The following C12orf42 variants were observed in gnomAD, a reference collection of about 807,000 sequenced individuals.
C12orf42 encodes the protein uncharacterized protein C12orf42.
In C12orf42, 25 loss-of-function variants were observed where a neutral mutation model predicts 21.6. That is an observed-to-expected ratio of 1.16 (90% CI 0.84 to 1.62). The LOEUF is 1.62. C12orf42 is among the 40% of genes most tolerant of loss of function. C12orf42 has a pLI of 0.00. For synonymous variants in C12orf42, 174 were observed against 175.0 expected, an observed-to-expected ratio of 0.99 and a Z score of 0.05; for missense variants, 483 against 459.3, an observed-to-expected ratio of 1.05 and a Z score of -0.47.
chr12:103,446,894 A>G (rs1322236433), intron 2 of C12orf42, among the ~76,000 whole-genome samples: 3 of 152,106 alleles, frequency 2.0e-5, no homozygotes, highest in East Asian at 3.9e-4. Context: ...AATGAGATAG[A>G]TGGCAACACA....
At chr12:103,405,765 A>G (rs562913810) in intron 2 of C12orf42, among the ~76,000 whole-genome samples, 173 of 152,304 alleles carry the variant, frequency 1.1e-3, no homozygotes, top group Admixed American at 3.0e-3. Context: ...TGCTTCGGTC[A>G]TTAAACTACT....
At chr12:103,311,871 T>A (rs958278362) in intron 4 of C12orf42, among the ~76,000 whole-genome samples, 1 of 152,200 alleles carries the variant, frequency 6.6e-6, no homozygotes, top group African/African-American at 2.4e-5. Context: ...GATGAAAATG[T>A]ATAATCAGGG....
intron 4 of C12orf42, among the ~76,000 whole-genome samples, chr12:103,359,723 T>C (rs2043914863): frequency 6.6e-6 from 1 of 151,924 alleles, no homozygotes; most frequent in African/African-American, 2.4e-5. Context: ...TGTAATAATC[T>C]TGCTTATTTA....
chr12:103,195,227 G>T, the C12orf42 span, among the ~76,000 whole-genome samples: 1 of 152,140 alleles, frequency 6.6e-6, no homozygotes, highest in Admixed American at 6.5e-5. Flanking sequence ...TTCATGTCTT[G>T]CTTTGTGAAT....
the C12orf42 span, among the ~76,000 whole-genome samples, chr12:103,198,359 G>C: frequency 2.0e-5 from 3 of 152,158 alleles, no homozygotes; most frequent in African/African-American, 7.2e-5. Flanking sequence ...CACTGCAATT[G>C]AGCTCAGCCA....
chr12:103,208,053 C>G, the C12orf42 span, among the ~76,000 whole-genome samples: 1 of 152,154 alleles, frequency 6.6e-6, no homozygotes, highest in East Asian at 1.9e-4. Flanking sequence ...CCTCATTCTG[C>G]CACTCACACT....
At chr12:103,333,101 C>T (rs993980912) in intron 4 of C12orf42, among the ~76,000 whole-genome samples, 3 of 152,190 alleles carry the variant, frequency 2.0e-5, no homozygotes, top group African/African-American at 7.2e-5. Flanking sequence ...CGCCTAATAA[C>T]AGTCTGAGCA....
the C12orf42 span, among the ~76,000 whole-genome samples, chr12:103,539,233 T>C: frequency 6.6e-6 from 1 of 152,176 alleles, no homozygotes; most frequent in African/African-American, 2.4e-5. Context: ...AGACATTGAG[T>C]GCAGAGTGAG....
At chr12:103,348,924 G>A (rs571923259) in intron 4 of C12orf42, among the ~76,000 whole-genome samples, 1 of 152,240 alleles carries the variant, frequency 6.6e-6, no homozygotes, top group Admixed American at 6.5e-5. Context: ...CAAATCAATA[G>A]GAGGATGCAG....
At chr12:103,321,913 C>T (rs1471054295) in intron 4 of C12orf42, among the ~76,000 whole-genome samples, 1 of 151,760 alleles carries the variant, frequency 6.6e-6, no homozygotes, top group Non-Finnish European at 1.5e-5. Context: ...ATACCTAATG[C>T]TAGATGAGGA....
chr12:103,534,439 T>C, the C12orf42 span, among the ~76,000 whole-genome samples: 1 of 152,160 alleles, frequency 6.6e-6, no homozygotes, highest in Non-Finnish European at 1.5e-5. Context: ...TACTACTTTC[T>C]GGGTATGAGT....
chr12:103,435,502 A>G (rs1406846823), intron 2 of C12orf42, among the ~76,000 whole-genome samples: 2 of 152,140 alleles, frequency 1.3e-5, no homozygotes, highest in Non-Finnish European at 2.9e-5. Context: ...GAAAACTTTG[A>G]AAAAAATTTA....
the C12orf42 span, among the ~76,000 whole-genome samples, chr12:103,194,803 CTTTTA>C: frequency 6.6e-6 from 1 of 152,006 alleles, no homozygotes; most frequent in Admixed American, 6.6e-5. Context: ...TTTTTTCCAA[CTTTTA>C]TTTTGTTTCA....
At chr12:103,119,389 T>A in the C12orf42 span, among the ~76,000 whole-genome samples, 2 of 152,102 alleles carry the variant, frequency 1.3e-5, no homozygotes, top group Admixed American at 6.5e-5. Context: ...ATCAATGTAG[T>A]TTTTCCCCTC....
chr12:103,507,790 A>T, the C12orf42 span, among the ~76,000 whole-genome samples: 5 of 152,174 alleles, frequency 3.3e-5, no homozygotes, highest in Admixed American at 3.3e-4. Flanking sequence ...GGCATCAGGC[A>T]TAACCATTAA....
At chr12:103,239,620 G>A (rs2033634701) in intron 10 of C12orf42, among the ~76,000 whole-genome samples, 1 of 152,160 alleles carries the variant, frequency 6.6e-6, no homozygotes, top group Non-Finnish European at 1.5e-5. Flanking sequence ...TCAGACCATA[G>A]GTGGTTAGCT....
At chr12:103,182,346 A>G in the C12orf42 span, among the ~76,000 whole-genome samples, 1 of 152,222 alleles carries the variant, frequency 6.6e-6, no homozygotes, top group Non-Finnish European at 1.5e-5. Flanking sequence ...CCAGCTGAGA[A>G]CGGATTAGTT....
chr12:103,309,899 G>A (rs1566054397), intron 4 of C12orf42, among the ~76,000 whole-genome samples: 2 of 152,256 alleles, frequency 1.3e-5, no homozygotes, highest in African/African-American at 2.4e-5. Context: ...TGCCTTCAGA[G>A]GCCAGGCGGA....
At chr12:103,526,340 T>C in the C12orf42 span, among the ~76,000 whole-genome samples, 1 of 152,228 alleles carries the variant, frequency 6.6e-6, no homozygotes, top group South Asian at 2.1e-4. Flanking sequence ...CAATATGCAC[T>C]ATGGAAAGCC....
Sources: allele counts gnomAD v4.1 joint callset (sites outside exome capture counted in the v4.1 genomes callset), GRCh38; gene constraint gnomAD v4.1.1; transcripts MANE v1.5; gene names NCBI Gene and HGNC (gene_info 2026-07-23, HGNC 2026-07-21).